C8orf88: variants seen among roughly 807,000 people sequenced by gnomAD.
C8orf88 encodes the protein chromosome 8 open reading frame 88.
A neutral mutation model predicts 18.4 loss-of-function variants in C8orf88; 14 were observed. The ratio of observed to expected loss-of-function variants is 0.76; its 90% CI spans 0.50 to 1.19. The LOEUF (loss-of-function observed/expected upper bound fraction) is 1.19. Ranked by LOEUF, C8orf88 falls within the 50% of genes most tolerant of loss-of-function variation. C8orf88 has a pLI of 0.00. For missense variants in C8orf88, 116 were observed against 134.7 expected (o/e 0.86, Z 0.69); for synonymous variants, 45 against 42.9 (o/e 1.05, Z -0.19).
chr8:90,958,826 G>C lies in C8orf88; in HGVS notation c.*181C>G. 2.1e-6 allele frequency: 1 copy of C among 470,460 alleles called. No homozygotes were observed. The highest frequency in any genetic ancestry group is 3.7e-6 in the Non-Finnish European group (1 of 271,464). 29.1% of individuals were successfully genotyped at this position (470,460 alleles called of 1,614,324 possible). On this transcript the variant is annotated 3_prime_UTR_variant, in exon 6 of 6. Coordinates refer to ENST00000517562, the MANE Select transcript of C8orf88 (RefSeq NM_001190972.2). The stretch of plus-strand genomic sequence containing the variant: ...ATTTATGCAGGAAACCTCCTGCAAA[G>C]CTGAAACTGATTAGAAAATTCTTTA...
chr8:90,965,769 C>A (rs1341495234), intron 4 of C8orf88, among the ~76,000 whole-genome samples: 3 of 151,790 alleles, frequency 2.0e-5, no homozygotes, highest in Non-Finnish European at 4.4e-5. Context: ...AATTAAAACA[C>A]ACTCTTATAC....
At chr8:90,960,226 G>A (rs1400969699) in intron 5 of C8orf88, among the ~76,000 whole-genome samples, 1 of 151,398 alleles carries the variant, frequency 6.6e-6, no homozygotes, top group Non-Finnish European at 1.5e-5. Flanking sequence ...AAAGGGCTAA[G>A]AATAGCAAAG....
Position 90,970,493 on chromosome 8 carries a change from G to A in C8orf88, c.223+573C>T, listed in dbSNP as rs139492533. 1.6e-3 allele frequency among the ~76,000 whole-genome samples: 239 copies of A among 152,006 alleles called. 1 individual carries two copies. The highest frequency in any genetic ancestry group is 5.6e-3 in the African/African-American group (231 of 41,508). ...GGGAGAGACTATTGGTTCTCCCCTA[G>A]AGCAGTTTTTTCTTTTTGCTTCAGT... On this transcript the variant is annotated intron_variant, in intron 4 of 5. Coordinates refer to ENST00000517562, the MANE Select transcript of C8orf88 (RefSeq NM_001190972.2).
intron 4 of C8orf88, among the ~76,000 whole-genome samples, chr8:90,963,114 A>G (rs995233517): frequency 1.3e-5 from 2 of 151,592 alleles, no homozygotes. Context: ...CTCAAAATAC[A>G]TAGAGGCCTT....
chr8:90,973,403 G>T (rs1188602941), intron 3 of C8orf88, among the ~76,000 whole-genome samples: 1 of 152,160 alleles, frequency 6.6e-6, no homozygotes, highest in Non-Finnish European at 1.5e-5. Context: ...TAAGCATCAA[G>T]TTTCTTATAA....
intron 3 of C8orf88, among the ~76,000 whole-genome samples, chr8:90,971,403 A>T (rs1045308370): frequency 6.6e-6 from 1 of 152,090 alleles, no homozygotes; most frequent in Admixed American, 6.6e-5. Flanking sequence ...TTATTGTCCT[A>T]AACATAAATA....
Position 90,985,138 on chromosome 8 carries a change from G to C in C8orf88, c.-51C>G, listed in dbSNP as rs998494530. ...CCGACTCAAAATCCACGGGGATTTC[G>C]GGGCAGCAGCGTCGCCGCGCTCAGC... is the stretch of plus-strand genomic sequence containing the variant. On this transcript the variant is annotated 5_prime_UTR_variant, in exon 1 of 6. Coordinates refer to ENST00000517562, the MANE Select transcript of C8orf88 (RefSeq NM_001190972.2). 6.6e-6 allele frequency: 1 copy of C among 152,074 alleles called. No homozygotes were observed. Among genetic ancestry groups the C allele is most frequent in the African/African-American group, 2.4e-5 (1 of 41,446 alleles). The allele number at this position is 152,074 out of a possible 1,614,324, so 9.4% of individuals were successfully genotyped here.
intron 4 of C8orf88, among the ~76,000 whole-genome samples, chr8:90,961,066 A>C (rs1030544910): frequency 1.3e-5 from 2 of 151,448 alleles, no homozygotes; most frequent in African/African-American, 2.4e-5. Context: ...GAAACAATGA[A>C]AGAAATATAA....
chr8:90,974,465 A>C (rs1482789766), intron 3 of C8orf88, among the ~76,000 whole-genome samples: 1 of 152,164 alleles, frequency 6.6e-6, no homozygotes, highest in African/African-American at 2.4e-5. Flanking sequence ...AGTCCAGTCA[A>C]GCCTTTAAGT....
At chr8:90,985,239 G>A (rs1372573485), upstream of C8orf88, 1 of 149,164 alleles carries the variant, frequency 6.7e-6, no homozygotes, top group African/African-American at 2.4e-5. Flanking sequence ...TGACCGCGGT[G>A]GCGGCGGCGG....
At chr8:90,984,558 TTATAAC>T (rs1482778197) in intron 1 of C8orf88, among the ~76,000 whole-genome samples, 1 of 151,920 alleles carries the variant, frequency 6.6e-6, no homozygotes, top group Non-Finnish European at 1.5e-5. Flanking sequence ...TGCCTTCTCT[TTATAAC>T]TAATTTAATT....
At chr8:90,968,742 G>A (rs914881895) in intron 4 of C8orf88, among the ~76,000 whole-genome samples, 1 of 141,752 alleles carries the variant, frequency 7.1e-6, no homozygotes, top group South Asian at 2.2e-4. Flanking sequence ...ATAGATAAGA[G>A]TCTAATATCC....
chr8:90,959,686 G>GA (rs1033846897), intron 5 of C8orf88, among the ~76,000 whole-genome samples: 1 of 151,012 alleles, frequency 6.6e-6, no homozygotes, highest in Non-Finnish European at 1.5e-5. Context: ...ATAATTTGAG[G>GA]AAAAAAATAC....
chr8:90,962,227 G>C (rs902945723), intron 4 of C8orf88, among the ~76,000 whole-genome samples: 2 of 151,514 alleles, frequency 1.3e-5, no homozygotes, highest in Non-Finnish European at 3.0e-5. Context: ...TCAAGTGTGA[G>C]AACAGAATAA....
At chr8:90,976,755 G>A (rs1295571365) in intron 3 of C8orf88, among the ~76,000 whole-genome samples, 3 of 152,026 alleles carry the variant, frequency 2.0e-5, no homozygotes, top group African/African-American at 7.2e-5. Flanking sequence ...ACAATCAGTT[G>A]CTTATAGGAG....
chr8:90,966,246 C>T (rs540097864), intron 4 of C8orf88, among the ~76,000 whole-genome samples: 3 of 150,114 alleles, frequency 2.0e-5, no homozygotes, highest in South Asian at 2.1e-4. Flanking sequence ...AGTAAACTAT[C>T]GCAAGAATAA....
intron 5 of C8orf88, among the ~76,000 whole-genome samples, chr8:90,959,872 T>C (rs1811100551): frequency 6.6e-6 from 1 of 151,340 alleles, no homozygotes; most frequent in Non-Finnish European, 1.5e-5. Context: ...TAAATTCCAG[T>C]CAAATGTAAG....
chr8:90,965,134 A>T (rs1392530922), intron 4 of C8orf88, among the ~76,000 whole-genome samples: 2 of 151,536 alleles, frequency 1.3e-5, no homozygotes, highest in Non-Finnish European at 3.0e-5. Flanking sequence ...TCTACAAGAG[A>T]CTCATTTTGG....
intron 3 of C8orf88, among the ~76,000 whole-genome samples, chr8:90,978,337 T>A (rs1463443516): frequency 6.6e-6 from 1 of 152,216 alleles, no homozygotes; most frequent in Non-Finnish European, 1.5e-5. Context: ...TAGAAGCATA[T>A]ATATAGAGTT....
Sources: gnomAD v4.1 joint callset for allele counts (sites outside exome capture counted in the v4.1 genomes callset) on GRCh38, gnomAD v4.1.1 for gene constraint, MANE v1.5 for transcripts, NCBI Gene and HGNC (gene_info 2026-07-23, HGNC 2026-07-21) for gene names.